UNC5A: variants seen among roughly 807,000 people sequenced by gnomAD.
UNC5A encodes the protein unc-5 netrin receptor A.
Under a neutral mutation model 87.4 loss-of-function variants are expected in UNC5A, and 20 were observed. The observed-to-expected ratio is 0.23, with a 90% confidence interval of 0.16 to 0.33. The LOEUF is 0.33. UNC5A is among the 10% of genes least tolerant of loss of function. The pLI is 1.00. For synonymous variants in UNC5A, 438 were observed against 482.3 expected, an observed-to-expected ratio of 0.91 and a Z score of 1.20; for missense variants, 844 against 1,133.4, an observed-to-expected ratio of 0.74 and a Z score of 3.67.
At position 176,865,575 on chromosome 5, in the gene UNC5A, T is replaced by C; in HGVS notation, c.293-2555T>C. 2.2e-6 allele frequency: 1 copy of C among 456,912 alleles called. No individual in the cohort carries two copies. Among genetic ancestry groups the C allele is most frequent in the Non-Finnish European group, 4.4e-6 (1 of 227,026 alleles). The allele number at this position is 456,912 out of a possible 1,614,324, so 28.3% of individuals were successfully genotyped here. On this transcript the variant is annotated intron_variant, in intron 2 of 14. Coordinates refer to ENST00000329542, the MANE Select transcript of UNC5A (RefSeq NM_133369.3). The surrounding 1 kb of genome is among the most constrained non-coding windows in gnomAD (Gnocchi z 5.3). ...ATGGCCGGAACATCTGAACGTTCAT[T>C]GATCTCATCGATTTCTCAACCCAAA... is the stretch of plus-strand genomic sequence containing the variant.
In UNC5A at chr5:176,880,080, G is replaced by A. The variant is rs560066314; in HGVS notation, c.*194G>A. The A allele has an allele frequency of 5.6e-6, 4 of 713,342 alleles. No homozygotes were observed. The highest frequency in any genetic ancestry group is 5.4e-5 in the African/African-American group (3 of 55,770). The allele number at this position is 713,342 out of a possible 1,614,324, so 44.2% of individuals were successfully genotyped here. A position where few individuals can be genotyped will look rare whatever the true frequency, so the allele number is the denominator to read the frequency against. On this transcript the variant is annotated 3_prime_UTR_variant, in exon 15 of 15. Coordinates refer to ENST00000329542, the MANE Select transcript of UNC5A (RefSeq NM_133369.3). ...ACCTCTCCATGGCCTGCCTAGCCAGGCTGGCACTGCCACTCACACTCGGCC... is the reference window on the plus strand; with the variant it reads ...ACCTCTCCATGGCCTGCCTAGCCAGACTGGCACTGCCACTCACACTCGGCC...
chr5:176,815,718 A>T (rs763267285), intron 1 of UNC5A, among the ~76,000 whole-genome samples: 1 of 152,200 alleles, frequency 6.6e-6, no homozygotes, highest in Non-Finnish European at 1.5e-5. Context: ...GAGCCCAGAC[A>T]CAGGAGAAAA....
At chr5:176,868,091 GGCCC>G in intron 2 of UNC5A, 35 bp from the exon 3 acceptor site, 1 of 1,596,630 alleles carries the variant, frequency 6.3e-7, no homozygotes, top group Non-Finnish European at 8.5e-7. Flanking sequence ...AGCTCAGGGT[GGCCC>G]TGGGGCTCTG....
At chr5:176,818,756 C>G (rs1756656295) in intron 1 of UNC5A, among the ~76,000 whole-genome samples, 1 of 152,162 alleles carries the variant, frequency 6.6e-6, no homozygotes, top group African/African-American at 2.4e-5. Context: ...GTCCAGAGAC[C>G]CTGATTCTCT....
At chr5:176,855,419 G>A (rs969068798) in intron 1 of UNC5A, among the ~76,000 whole-genome samples, 3 of 152,232 alleles carry the variant, frequency 2.0e-5, no homozygotes, top group South Asian at 2.1e-4. Flanking sequence ...GGGGATGGGA[G>A]AGGGGGAGCG....
At chr5:176,870,717 A>G (rs1758089573) in intron 6 of UNC5A, among the ~76,000 whole-genome samples, 183 bp downstream of exon 6, 1 of 150,984 alleles carries the variant, frequency 6.6e-6, no homozygotes, top group Non-Finnish European at 1.5e-5. Flanking sequence ...GCGCCCCACC[A>G]CCTCCCATGC....
rs1031244077 is a variant in UNC5A, at chr5:176,848,751, C to T, written c.71-13873C>T. Reference sequence around the variant, plus strand: ...TTGCAGGAGGCTTCAGCTGCCTCACCCAGGGGCAGGAGCTGAGGCTCAGAC... The same window carrying T: ...TTGCAGGAGGCTTCAGCTGCCTCACTCAGGGGCAGGAGCTGAGGCTCAGAC... On this transcript the variant is annotated intron_variant, in intron 1 of 14. Coordinates refer to ENST00000329542, the MANE Select transcript of UNC5A (RefSeq NM_133369.3). The surrounding 1 kb of genome is among the most constrained non-coding windows in gnomAD (Gnocchi z 5.8). Among the ~76,000 whole-genome samples, 1 of 152,194 alleles carries T rather than the reference C, an allele frequency of 6.6e-6. No individual in the cohort carries two copies. Among genetic ancestry groups the T allele is most frequent in the Non-Finnish European group, 1.5e-5 (1 of 68,030 alleles).
rs1758284867 is a variant in UNC5A at position 176,877,253 on chromosome 5, C to T, written c.1440C>T (p.Leu480=). The T allele has an allele frequency of 6.2e-7, 1 of 1,612,726 alleles. No individual in the cohort carries two copies. Among genetic ancestry groups the T allele is most frequent in the East Asian group, 2.2e-5 (1 of 44,884 alleles). The change falls in exon 9 of 15, where the codon CTC becomes CTT. Residue 480 remains leucine (L), a synonymous_variant. Transcript: ENST00000329542. ...IPRGKIYEIY[L]TLHKPEDVRL... is the part of the protein sequence containing the mutation. Reference sequence around the variant, plus strand: ...GAGGGAAGATCTATGAGATCTACCTCACGCTGCACAAGCCGGAAGACGTGA... The same window carrying T: ...GAGGGAAGATCTATGAGATCTACCTTACGCTGCACAAGCCGGAAGACGTGA...
At chr5:176,857,245 T>A (rs1214077997) in intron 1 of UNC5A, among the ~76,000 whole-genome samples, 2 of 152,270 alleles carry the variant, frequency 1.3e-5, no homozygotes, top group African/African-American at 2.4e-5. Context: ...AGACGGGGAC[T>A]GTGTTGTCTT....
chr5:176,879,175 A>T, intron 13 of UNC5A, 135 bp from the exon 14 acceptor site: 4 of 1,074,024 alleles, frequency 3.7e-6, no homozygotes, highest in South Asian at 1.6e-5. Context: ...GGCACATGGG[A>T]GGTGCCCAGG....
At chr5:176,815,151 G>A (rs1284241779) in intron 1 of UNC5A, among the ~76,000 whole-genome samples, 8 of 152,210 alleles carry the variant, frequency 5.3e-5, no homozygotes, top group African/African-American at 1.7e-4. Context: ...TTCCCAGAGT[G>A]AATGTTTTCT....
chr5:176,830,727 T>TGTGTGGGTGTGCTG (rs1554097049), intron 1 of UNC5A, among the ~76,000 whole-genome samples: 1 of 122,314 alleles, frequency 8.2e-6, no homozygotes, highest in Admixed American at 8.5e-5. Flanking sequence ...CTGGCATGTA[T>TGTGTGGGTGTGCTG]GTGTGGGTGT....
At chr5:176,858,060 G>C (rs73340101) in intron 1 of UNC5A, among the ~76,000 whole-genome samples, 9,960 of 152,280 alleles carry the variant, frequency 0.065, 1,075 homozygotes, top group African/African-American at 0.22. Flanking sequence ...GTCCGTCAGT[G>C]GCCCCAGAGG....
intron 1 of UNC5A, among the ~76,000 whole-genome samples, chr5:176,852,201 G>A (rs534278677): frequency 3.9e-5 from 6 of 152,168 alleles, no homozygotes; most frequent in South Asian, 4.1e-4. Flanking sequence ...CAGCTGGGCC[G>A]GCCACCTGCC....
chr5:176,880,864 G>A lies in UNC5A; in HGVS notation c.*978G>A, dbSNP rs569484928. 3.7e-5 allele frequency: 18 copies of A among 487,090 alleles called. No homozygotes were observed. Among genetic ancestry groups the A allele is most frequent in the Middle Eastern group, 5.3e-4 (1 of 1,896 alleles). 30.2% of individuals were successfully genotyped at this position (487,090 alleles called of 1,614,324 possible). ...GGGGCACATAGGGGTTTTATCGGGC[G>A]TGAATGTAAATAAATTATATATATA... On this transcript the variant is annotated 3_prime_UTR_variant, in exon 15 of 15. Coordinates refer to ENST00000329542, the MANE Select transcript of UNC5A (RefSeq NM_133369.3).
rs78010108 is a variant in UNC5A, at chr5:176,866,071, C to G, written c.293-2059C>G. Among the ~76,000 whole-genome samples, 1,316 of 152,306 alleles carry G rather than the reference C, an allele frequency of 8.6e-3. 18 individuals are homozygous for G. Among genetic ancestry groups the G allele is most frequent in the African/African-American group, 0.03 (1,243 of 41,550 alleles). On this transcript the variant is annotated intron_variant, in intron 2 of 14. Coordinates refer to ENST00000329542, the MANE Select transcript of UNC5A (RefSeq NM_133369.3). The surrounding 1 kb of genome is among the most constrained non-coding windows in gnomAD (Gnocchi z 5.0). ...GGCCTCAGAGCCCCAGCTAGAAACC[C>G]TGGGCAGCCCAGGTTCACACACACA... is the stretch of plus-strand genomic sequence containing the variant.
At chr5:176,843,418 G>A (rs913782405) in intron 1 of UNC5A, among the ~76,000 whole-genome samples, 3 of 151,718 alleles carry the variant, frequency 2.0e-5, no homozygotes, top group Admixed American at 6.6e-5. Flanking sequence ...ATGGCAAAAC[G>A]CCAGTGACAG....
rs1387277996 is a variant in UNC5A, at chr5:176,848,142, G to C, written c.71-14482G>C. Among the ~76,000 whole-genome samples, 1 of 152,030 alleles carries C rather than the reference G, an allele frequency of 6.6e-6. No individual in the cohort carries two copies. The highest frequency in any genetic ancestry group is 1.5e-5 in the Non-Finnish European group (1 of 67,972). ...CGGCCTCCTCCAGGCTGGTTTCCTA[G>C]AGCACCCCTCCCCGCCTCATTTCCA... On this transcript the variant is annotated intron_variant, in intron 1 of 14. Coordinates refer to ENST00000329542, the MANE Select transcript of UNC5A (RefSeq NM_133369.3). This position sits in a 1 kb window ranked among gnomAD's most constrained non-coding sequence, Gnocchi z 5.8.
At chr5:176,842,342 A>C (rs1309800936) in intron 1 of UNC5A, among the ~76,000 whole-genome samples, 1 of 152,280 alleles carries the variant, frequency 6.6e-6, no homozygotes, top group Non-Finnish European at 1.5e-5. Context: ...CCTTTAATCC[A>C]GGAATGCCAC....
Sources: gnomAD v4.1 joint callset for allele counts (sites outside exome capture counted in the v4.1 genomes callset) on GRCh38, gnomAD v4.1.1 for gene constraint, Gnocchi (gnomAD v3.1) non-coding constraint, MANE v1.5 for transcripts, NCBI Gene and HGNC (gene_info 2026-07-23, HGNC 2026-07-21) for gene names.